The following CCDC141 variants were observed in gnomAD, a reference collection of about 807,000 sequenced individuals.
The protein encoded by CCDC141 is coiled-coil domain containing 141.
Under a neutral mutation model 181.0 loss-of-function variants are expected in CCDC141, and 168 were observed. That is an observed-to-expected ratio of 0.93 (90% confidence interval 0.82 to 1.05). The LOEUF is 1.05. CCDC141 is among the 50% of genes least tolerant of loss of function. The pLI, the probability that CCDC141 is intolerant of heterozygous loss-of-function variation, is 0.00. For missense variants in CCDC141, 1,902 were observed against 1,788.5 expected (o/e 1.06, Z -1.14); for synonymous variants, 666 against 642.3 (o/e 1.04, Z -0.56).
At chr2:178,987,041 G>A (rs1415806874) in intron 2 of CCDC141, among the ~76,000 whole-genome samples, 4 of 151,496 alleles carry the variant, frequency 2.6e-5, no homozygotes, top group African/African-American at 7.3e-5. Context: ...CAAAGCTGGA[G>A]GCATCACACT....
At chr2:178,951,244 C>T (rs147218694) in intron 5 of CCDC141, among the ~76,000 whole-genome samples, 1 of 152,312 alleles carries the variant, frequency 6.6e-6, no homozygotes, top group Admixed American at 6.5e-5. Flanking sequence ...AAAGTTCTAT[C>T]CTAAGTGATC....
At chr2:178,886,672 A>G (rs1169085291) in intron 10 of CCDC141, 80 bp downstream of exon 10, 2 of 924,924 alleles carry the variant, frequency 2.2e-6, no homozygotes, top group Non-Finnish European at 3.1e-6. Flanking sequence ...GTGAGCTAGG[A>G]TTAAGTTTAT....
chr2:178,918,774 A>C lies in CCDC141; in HGVS notation c.1031T>G (p.Leu344Arg). ...LSQLQEEFGQ[L>R]MVERNTWLKK... ...TAACCAGGTATTCCTTTCCACCATG[A>C]GTTGACCAAATTCTTCTTGAAGCTG... The change falls in exon 7 of 24, where the codon CTC becomes CGC. Residue 344 changes from leucine to arginine, a missense_variant. Physicochemically the swap from Leu to Arg is moderately radical, Grantham distance 102. Transcript: ENST00000443758. 1 of 1,550,582 alleles carries C rather than the reference A, an allele frequency of 6.4e-7. No individual in the cohort carries two copies. Among genetic ancestry groups the C allele is most frequent in the Non-Finnish European group, 8.7e-7 (1 of 1,146,984 alleles).
intron 6 of CCDC141, among the ~76,000 whole-genome samples, chr2:178,938,970 T>C (rs1038135047): frequency 6.6e-6 from 1 of 152,200 alleles, no homozygotes; most frequent in South Asian, 2.1e-4. Context: ...CTATAAACAT[T>C]TGGTCATTAT....
chr2:178,856,344 A>G lies in CCDC141; in HGVS notation c.2778T>C (p.Asn926=). Residue 926 remains asparagine, a synonymous_variant, in exon 18 of 24, where the codon AAT becomes AAC. Coordinates refer to ENST00000443758, the MANE Select transcript of CCDC141 (RefSeq NM_173648.4). ...GAGATTTTTCATTTTTCTTAGTGTA[A>G]TTAAACTTCAAATTATTGAATTTCT... The part of the protein sequence containing the change: ...IKKKFNNLKF[N]YTKKNEKSRN... 1 of 1,607,400 alleles carries G rather than the reference A, an allele frequency of 6.2e-7. No individual in the cohort carries two copies. Among genetic ancestry groups the G allele is most frequent in the Non-Finnish European group, 8.5e-7 (1 of 1,175,454 alleles).
At chr2:179,030,586 C>A (rs535881247) in intron 2 of CCDC141, among the ~76,000 whole-genome samples, 2 of 151,972 alleles carry the variant, frequency 1.3e-5, no homozygotes, top group African/African-American at 4.8e-5. Context: ...TTACTGCTAG[C>A]CTTTCAAACT....
At chr2:178,950,261 G>GTAGT (rs1200652852) in intron 5 of CCDC141, among the ~76,000 whole-genome samples, 1 of 152,146 alleles carries the variant, frequency 6.6e-6, no homozygotes, top group African/African-American at 2.4e-5. Context: ...GTTTTCAATT[G>GTAGT]TAGTTGATGG....
intron 2 of CCDC141, among the ~76,000 whole-genome samples, chr2:179,015,094 A>ACATATATATAT (rs2042408965): frequency 2.2e-5 from 1 of 45,836 alleles, no homozygotes; most frequent in African/African-American, 5.8e-5. Flanking sequence ...ATATATATAT[A>ACATATATATAT]TATATATATA....
At chr2:178,927,834 G>A (rs1378815869) in intron 6 of CCDC141, among the ~76,000 whole-genome samples, 1 of 152,128 alleles carries the variant, frequency 6.6e-6, no homozygotes, top group Admixed American at 6.5e-5. Flanking sequence ...GTAAAAGAGA[G>A]AAGCAACGAA....
downstream of CCDC141, among the ~76,000 whole-genome samples, chr2:178,828,856 T>C (rs1411923268): frequency 3.3e-5 from 5 of 152,216 alleles, no homozygotes; most frequent in South Asian, 6.2e-4. Flanking sequence ...AAAGATTTTA[T>C]TGCATGTTTT....
chr2:178,856,437 T>C (rs1402361868), intron 17 of CCDC141, 40 bp from the exon 18 acceptor site: 3 of 1,438,482 alleles, frequency 2.1e-6, no homozygotes, highest in Non-Finnish European at 2.8e-6. Context: ...TTCCTTAAAA[T>C]GAGAAAACAA....
intron 10 of CCDC141, 147 bp downstream of exon 10, chr2:178,886,605 A>T (rs1575170788): frequency 3.8e-6 from 2 of 531,864 alleles, no homozygotes; most frequent in East Asian, 6.9e-5. Flanking sequence ...GACACATAAG[A>T]ATATGAGTTT....
intron 11 of CCDC141, among the ~76,000 whole-genome samples, chr2:178,883,155 G>A (rs1686708261): frequency 6.6e-6 from 1 of 152,226 alleles, no homozygotes; most frequent in Admixed American, 6.5e-5. Context: ...CAATGAAGAT[G>A]CAGAAAGCAA....
At chr2:178,925,889 C>T (rs1688890487) in intron 6 of CCDC141, among the ~76,000 whole-genome samples, 1 of 152,078 alleles carries the variant, frequency 6.6e-6, no homozygotes, top group African/African-American at 2.4e-5. Flanking sequence ...AGGATCTCAA[C>T]ACATCTAACT....
intron 2 of CCDC141, among the ~76,000 whole-genome samples, chr2:178,993,083 T>C (rs1395436960): frequency 6.6e-6 from 1 of 152,128 alleles, no homozygotes; most frequent in African/African-American, 2.4e-5. Context: ...ACTAATAAAC[T>C]CCTTCAGCCT....
the CCDC141 span, among the ~76,000 whole-genome samples, chr2:178,821,774 G>A: frequency 6.6e-6 from 1 of 152,022 alleles, no homozygotes; most frequent in Non-Finnish European, 1.5e-5. Flanking sequence ...TGCTGGAGAG[G>A]ATGTGGAGAA....
intron 2 of CCDC141, among the ~76,000 whole-genome samples, chr2:178,980,333 C>T (rs11681839): frequency 0.43 from 64,778 of 151,782 alleles, 14,388 homozygotes; most frequent in East Asian, 0.71. Flanking sequence ...GCCTGTAGTC[C>T]CAGCTACTCT....
chr2:178,904,344 T>C (rs1687858247), intron 8 of CCDC141, among the ~76,000 whole-genome samples: 4 of 152,212 alleles, frequency 2.6e-5, no homozygotes, highest in Non-Finnish European at 2.9e-5. Context: ...TCACAAACCC[T>C]GGGTTAAATA....
At chr2:179,003,533 T>C (rs2042042260) in intron 2 of CCDC141, among the ~76,000 whole-genome samples, 1 of 140,730 alleles carries the variant, frequency 7.1e-6, no homozygotes. Context: ...TCAAATATAG[T>C]AAGTATGTAA....
Sources: allele counts gnomAD v4.1 joint callset (sites outside exome capture counted in the v4.1 genomes callset), GRCh38; gene constraint gnomAD v4.1.1; transcripts MANE v1.5; gene names NCBI Gene and HGNC (gene_info 2026-07-23, HGNC 2026-07-21).